The following PCNT variants were observed in gnomAD, a reference collection of about 807,000 sequenced individuals.
PCNT encodes the protein kendrin.
A neutral mutation model predicts 380.4 loss-of-function variants in PCNT; 319 were observed. The observed-to-expected ratio is 0.84, with a 90% CI of 0.77 to 0.92. PCNT has a LOEUF of 0.92. Ranked by LOEUF, PCNT falls within the 40% of genes least tolerant of loss-of-function variation. The pLI is 0.00. For missense variants in PCNT, 4,400 were observed against 4,255.3 expected, an observed-to-expected ratio of 1.03 and a Z score of -0.95; for synonymous variants, 1,845 against 1,735.2, an observed-to-expected ratio of 1.06 and a Z score of -1.57.
At chr21:46,340,965 C>A (rs778236812) in intron 3 of PCNT, among the ~76,000 whole-genome samples, 1 of 152,232 alleles carries the variant, frequency 6.6e-6, no homozygotes, top group African/African-American at 2.4e-5. Context: ...CTCACTGCAA[C>A]CTCTGCCTCC....
intron 3 of PCNT, among the ~76,000 whole-genome samples, chr21:46,345,536 T>C (rs921172366): frequency 2.6e-5 from 4 of 152,164 alleles, no homozygotes; most frequent in Admixed American, 6.5e-5. Flanking sequence ...GACTTTGACT[T>C]TACATTGTGA....
chr21:46,348,924 C>G (rs1441838830), intron 6 of PCNT, 88 bp from the exon 7 acceptor site: 17 of 910,086 alleles, frequency 1.9e-5, no homozygotes, highest in Non-Finnish European at 3.1e-5. Context: ...CGTTGCCTGG[C>G]CTGCTCAGAG....
intron 13 of PCNT, among the ~76,000 whole-genome samples, chr21:46,360,588 C>T (rs560154985): frequency 7.8e-5 from 11 of 140,962 alleles, no homozygotes; most frequent in South Asian, 2.4e-4. Context: ...GTGCGATATC[C>T]GCCCACTGCA....
At position 46,432,167 on chromosome 21, in the gene PCNT, A is replaced by G; in HGVS notation, c.8703A>G (p.Pro2901=). 1.2e-6 allele frequency: 2 copies of G among 1,613,382 alleles called. No individual in the cohort carries two copies. Among genetic ancestry groups the G allele is most frequent in the South Asian group, 1.1e-5 (1 of 91,046 alleles). The change falls in exon 38 of 47, where the codon CCA becomes CCG. Residue 2901 remains proline (P), a synonymous_variant. Transcript: ENST00000359568. Reference sequence around the variant, plus strand: ...GGAGCGCGGAGGCCAGGCAGAGCCCAGCGGCTGCGGAGCAGTGGAGGAAGT... The same window carrying G: ...GGAGCGCGGAGGCCAGGCAGAGCCCGGCGGCTGCGGAGCAGTGGAGGAAGT... ...ARRSAEARQS[P]AAAEQWRKWQ... is the part of the protein sequence containing the mutation.
At position 46,399,710 on chromosome 21, in the gene PCNT, G is replaced by A; in HGVS notation, c.4705G>A (p.Glu1569Lys). 6.2e-7 allele frequency: 1 copy of A among 1,614,080 alleles called. No individual in the cohort carries two copies. Among genetic ancestry groups the A allele is most frequent in the Non-Finnish European group, 8.5e-7 (1 of 1,179,928 alleles). ...MQEEEIKRLEEMNINIRKKVA... is the reference protein window; with the variant it reads ...MQEEEIKRLEKMNINIRKKVA... ...GGAAGAAGAAATTAAACGTCTGGAG[G>A]AGATGAACATCAACATCAGGAAAAA... The change falls in exon 25 of 47, where the codon GAG (glutamate) becomes AAG (lysine). Residue 1569 changes from glutamate to lysine, a missense_variant. Physicochemically the swap from Glu to Lys is moderately conservative, Grantham distance 56. Coordinates refer to ENST00000359568, the MANE Select transcript of PCNT (RefSeq NM_006031.6).
intron 38 of PCNT, among the ~76,000 whole-genome samples, chr21:46,433,485 C>T (rs1398207858): frequency 1.3e-5 from 2 of 152,086 alleles, no homozygotes; most frequent in African/African-American, 4.8e-5. Context: ...TGTGGCCAAG[C>T]ATGGCAGGGG....
In PCNT at chr21:46,381,825, TCAC is replaced by T; in HGVS notation, c.3300_3302del (p.His1100del). 1 of 1,614,228 alleles carries T rather than the reference TCAC, an allele frequency of 6.2e-7. No individual in the cohort carries two copies. Among genetic ancestry groups the T allele is most frequent in the South Asian group, 1.1e-5 (1 of 91,086 alleles). On this transcript the variant is annotated inframe_deletion, in exon 16 of 47. Coordinates refer to ENST00000359568, the MANE Select transcript of PCNT (RefSeq NM_006031.6). ...TGTCTCTGCAGCTTCAAAAGAAGAA[TCAC>T]CAAGTCCAGCAGGTGTGTGGAATAC...
chr21:46,337,126 T>G (rs1192270791), intron 3 of PCNT, among the ~76,000 whole-genome samples: 1 of 152,062 alleles, frequency 6.6e-6, no homozygotes, highest in Non-Finnish European at 1.5e-5. Context: ...GCCTCTCTAG[T>G]AGCTGCGATT....
intron 30 of PCNT, 28 bp from the exon 31 acceptor site, chr21:46,418,176 T>G (rs2087106523): frequency 7.3e-7 from 1 of 1,369,748 alleles, no homozygotes; most frequent in African/African-American, 1.5e-5. Flanking sequence ...ACTCATTATT[T>G]TATGACCATT....
In PCNT at chr21:46,432,080, G is replaced by T. The variant is rs768314485; in HGVS notation, c.8616G>T (p.Gln2872His). ...EREREKPAWL[Q>H]AELEQSHPRL... ...AGAGGGAGAAACCAGCGTGGTTGCA[G>T]GCAGAATTAGAGCAGTCACACCCAC... is the stretch of plus-strand genomic sequence containing the variant. The change falls in exon 38 of 47, where the codon CAG becomes CAT. Residue 2872 changes from glutamine (Q) to histidine (H), a missense_variant. Physicochemically the swap from Gln to His is conservative, Grantham distance 24. Transcript: ENST00000359568. 2.5e-6 allele frequency: 4 copies of T among 1,614,108 alleles called. No individual in the cohort carries two copies. In the Admixed American group the frequency reaches 6.7e-5, roughly 27 times the overall value.
chr21:46,370,003 G>T (rs1415070960), intron 15 of PCNT, among the ~76,000 whole-genome samples: 1 of 152,234 alleles, frequency 6.6e-6, no homozygotes, highest in Non-Finnish European at 1.5e-5. Flanking sequence ...GGTGCTGCGG[G>T]AGGGGCTGTG....
At chr21:46,355,737 G>A in intron 12 of PCNT, 111 bp downstream of exon 12, 5 of 1,052,888 alleles carry the variant, frequency 4.7e-6, no homozygotes, top group Non-Finnish European at 4.3e-6. Flanking sequence ...GCAGCTGAGT[G>A]CTCCGACCTC....
At position 46,438,175 on chromosome 21, in the gene PCNT, A is replaced by G. The variant is rs765362918; in HGVS notation, c.9111A>G (p.Ala3037=). 8.7e-6 allele frequency: 14 copies of G among 1,613,778 alleles called. No homozygotes were observed. The Admixed American group carries it at 1.0e-4, about 12-fold the overall frequency. Residue 3037 remains alanine, a synonymous_variant, in exon 41 of 47, where the codon GCA becomes GCG. Coordinates refer to ENST00000359568, the MANE Select transcript of PCNT (RefSeq NM_006031.6). ...TTCTTTTCTCCAAGAAAAAAATGGC[A>G]GCAGAGCTGCAGTTCCAGTTTGTGG... ...SRPTSSQKKM[A]AELQFQFVDV...
At chr21:46,345,745 C>G (rs2084045450) in intron 3 of PCNT, among the ~76,000 whole-genome samples, 2 of 152,208 alleles carry the variant, frequency 1.3e-5, no homozygotes, top group African/African-American at 4.8e-5. Context: ...CCCCGCTCTC[C>G]TCCCTCAGCT....
chr21:46,429,928 A>C, intron 35 of PCNT, 82 bp from the exon 36 acceptor site: 1 of 1,115,982 alleles, frequency 9.0e-7, no homozygotes, highest in Non-Finnish European at 1.3e-6. Context: ...TCACGCCCCC[A>C]CGAGTCTGTC....
Position 46,444,812 on chromosome 21 carries a change from G to A in PCNT, c.9958G>A (p.Val3320Ile), listed in dbSNP as rs771222189. ...LEVIQQRLGG[V>I]LPDSTSKKSC... The stretch of plus-strand genomic sequence containing the variant: ...AGTGATCCAGCAAAGATTGGGAGGG[G>A]TACTACCAGGTAATGCAAGTCCTCG... The change falls in exon 46 of 47, where the codon GTA becomes ATA. Residue 3320 changes from valine to isoleucine, a missense_variant. Physicochemically the swap from Val to Ile is conservative, Grantham distance 29. Coordinates refer to ENST00000359568, the MANE Select transcript of PCNT (RefSeq NM_006031.6). 3 of 1,613,250 alleles carry A rather than the reference G, an allele frequency of 1.9e-6. No individual in the cohort carries two copies. Among genetic ancestry groups the A allele is most frequent in the Admixed American group, 1.7e-5 (1 of 60,028 alleles).
rs780150105 is a variant in PCNT at position 46,416,421 on chromosome 21, C to T, written c.6503C>T (p.Ser2168Phe). Residue 2168 changes from serine to phenylalanine, a missense_variant, in exon 30 of 47, where the codon TCC (serine) becomes TTC (phenylalanine). Ser to Phe is a radical substitution (Grantham distance 155). Coordinates refer to ENST00000359568, the MANE Select transcript of PCNT (RefSeq NM_006031.6). The stretch of plus-strand genomic sequence containing the variant: ...ACTGATGTTATCAAAAATTGGGATT[C>T]CTTGATACCAGATGAAATGCCAGAT... ...GVTDVIKNWD[S>F]LIPDEMPDSP... The T allele has an allele frequency of 6.2e-6, 10 of 1,614,056 alleles. No individual in the cohort carries two copies. The East Asian group carries it at 2.0e-4, about 32-fold the overall frequency.
intron 13 of PCNT, among the ~76,000 whole-genome samples, chr21:46,360,936 A>G (rs916336721): frequency 1.3e-5 from 2 of 150,632 alleles, no homozygotes; most frequent in Non-Finnish European, 3.0e-5. Flanking sequence ...TTCACTGTTC[A>G]TTTTCTGTGA....
chr21:46,422,405 G>A (rs893108654), intron 32 of PCNT, among the ~76,000 whole-genome samples: 4 of 142,100 alleles, frequency 2.8e-5, no homozygotes, highest in Admixed American at 2.7e-4. Context: ...TCGCAGAGCC[G>A]GCCTGTGCCT....
Sources: allele counts gnomAD v4.1 joint callset (sites outside exome capture counted in the v4.1 genomes callset), GRCh38; gene constraint gnomAD v4.1.1; transcripts MANE v1.5; gene names NCBI Gene and HGNC (gene_info 2026-07-23, HGNC 2026-07-21).